CRYL1: variants seen among roughly 807,000 people sequenced by gnomAD.
The protein encoded by CRYL1 is crystallin lambda 1, also known as lambda-crystallin homolog.
A neutral mutation model predicts 36.6 loss-of-function variants in CRYL1; 29 were observed. The observed-to-expected ratio is 0.79, with a 90% CI of 0.59 to 1.08. The LOEUF (loss-of-function observed/expected upper bound fraction) is 1.08, where lower values mean the gene tolerates loss of function less well. Ranked by LOEUF, CRYL1 falls within the 50% of genes least tolerant of loss-of-function variation. The probability of loss-of-function intolerance (pLI) is 0.00; values close to 1 mark genes in which losing one functional copy is unlikely to be tolerated. For missense variants in CRYL1, 411 were observed against 407.9 expected (o/e 1.01, Z -0.06); for synonymous variants, 152 against 151.5 (o/e 1.00, Z -0.02).
intron 3 of CRYL1, among the ~76,000 whole-genome samples, chr13:20,457,973 C>T (rs780932268): frequency 1.3e-5 from 2 of 152,256 alleles, no homozygotes; most frequent in African/African-American, 2.4e-5. Context: ...AGGTTTTCAA[C>T]GTTAGGGAAA....
chr13:20,483,490 T>C (rs917216689), intron 3 of CRYL1, among the ~76,000 whole-genome samples: 1 of 152,120 alleles, frequency 6.6e-6, no homozygotes, highest in Non-Finnish European at 1.5e-5. Context: ...GACTGTAACG[T>C]ACCACATCAT....
intron 2 of CRYL1, among the ~76,000 whole-genome samples, chr13:20,499,150 C>T (rs2033659907): frequency 6.6e-6 from 1 of 151,810 alleles, no homozygotes; most frequent in African/African-American, 2.4e-5. Context: ...AAGAGACCAG[C>T]CTGGACAACA....
intron 4 of CRYL1, among the ~76,000 whole-genome samples, chr13:20,434,048 C>T (rs1442079524): frequency 1.3e-5 from 2 of 152,188 alleles, no homozygotes; most frequent in South Asian, 2.1e-4. Context: ...TTGGGCACAC[C>T]CCAGCACAGA....
intron 1 of CRYL1, among the ~76,000 whole-genome samples, chr13:20,519,239 G>C (rs966994722): frequency 2.0e-5 from 3 of 152,148 alleles, no homozygotes; most frequent in African/African-American, 7.2e-5. Flanking sequence ...GATGGGAGGG[G>C]GGTGTAGTCA....
In CRYL1 at chr13:20,511,673, C is replaced by T. The variant is rs146956917; in HGVS notation, c.149+770G>A. On this transcript the variant is annotated intron_variant, in intron 2 of 7. Transcript: ENST00000298248. ...AAATAAGGATAATAACCAGCTAACGCGTGTCTGAGATGGTCAGAACCCTGT... is the reference window on the plus strand; with the variant it reads ...AAATAAGGATAATAACCAGCTAACGTGTGTCTGAGATGGTCAGAACCCTGT... Among the ~76,000 whole-genome samples, 6 of 152,314 alleles carry T rather than the reference C, an allele frequency of 3.9e-5. No homozygotes were observed. The East Asian group carries it at 5.8e-4, about 15-fold the overall frequency.
intron 5 of CRYL1, chr13:20,431,453 C>T (rs886801072): frequency 5.1e-6 from 5 of 985,286 alleles, no homozygotes; most frequent in East Asian, 2.3e-4. Context: ...TCCCAGATCC[C>T]GAGACTTCTC....
At chr13:20,470,025 G>C (rs912699587) in intron 3 of CRYL1, among the ~76,000 whole-genome samples, 1 of 152,182 alleles carries the variant, frequency 6.6e-6, no homozygotes, top group Non-Finnish European at 1.5e-5. Flanking sequence ...GAAGACTATC[G>C]ACAGTGCGAT....
Position 20,430,533 on chromosome 13 carries a change from G to GAGC in CRYL1, c.633+1566_633+1568dup, listed in dbSNP as rs1369839391. 4 of 985,258 alleles carry GAGC rather than the reference G, an allele frequency of 4.1e-6. No homozygotes were observed. In the South Asian group the frequency reaches 1.9e-4, roughly 46 times the overall value. The allele number at this position is 985,258 out of a possible 1,614,324, so 61.0% of individuals were successfully genotyped here. On this transcript the variant is annotated intron_variant, in intron 5 of 7. Coordinates refer to ENST00000298248, the MANE Select transcript of CRYL1 (RefSeq NM_015974.3). Reference sequence around the variant, plus strand: ...ACATCGTGAGTCAGCAGAACTACCAGAGCAGCCCAACTCACCCCTCCGCCT... The same window carrying GAGC: ...ACATCGTGAGTCAGCAGAACTACCAGAGCAGCAGCCCAACTCACCCCTCCGCCT...
At chr13:20,519,985 A>G (rs1199589806) in intron 1 of CRYL1, among the ~76,000 whole-genome samples, 1 of 152,242 alleles carries the variant, frequency 6.6e-6, no homozygotes, top group African/African-American at 2.4e-5. Flanking sequence ...ACATGCTGAC[A>G]TATTTACAGA....
intron 2 of CRYL1, among the ~76,000 whole-genome samples, chr13:20,507,539 C>G (rs2033815006): frequency 1.3e-5 from 2 of 152,220 alleles, no homozygotes; most frequent in Non-Finnish European, 2.9e-5. Flanking sequence ...TACTCTCCTT[C>G]TCCAGTACTG....
chr13:20,518,450 T>A (rs2034040249), intron 1 of CRYL1, among the ~76,000 whole-genome samples: 1 of 151,766 alleles, frequency 6.6e-6, no homozygotes, highest in South Asian at 2.1e-4. Context: ...TCAACAAGGC[T>A]GGTGCTCTGC....
chr13:20,509,927 C>G (rs1026139837), intron 2 of CRYL1, among the ~76,000 whole-genome samples: 2 of 151,990 alleles, frequency 1.3e-5, no homozygotes, highest in African/African-American at 4.8e-5. Context: ...GAGACTGTCT[C>G]AAAACAAAAC....
At chr13:20,424,133 GA>G (rs968034865) in intron 5 of CRYL1, among the ~76,000 whole-genome samples, 2 of 152,122 alleles carry the variant, frequency 1.3e-5, no homozygotes, top group African/African-American at 4.8e-5. Flanking sequence ...CCCTGTAGAT[GA>G]AAAATATCAC....
chr13:20,508,719 G>A (rs2033848453), intron 2 of CRYL1, among the ~76,000 whole-genome samples: 1 of 150,790 alleles, frequency 6.6e-6, no homozygotes, highest in South Asian at 2.1e-4. Context: ...CGTGGTGGCG[G>A]GCGCCTGTAG....
At chr13:20,498,337 TAC>T (rs1416779696) in intron 2 of CRYL1, among the ~76,000 whole-genome samples, 36 of 104,044 alleles carry the variant, frequency 3.5e-4, no homozygotes, top group African/African-American at 1.2e-3. Context: ...CACATGCACA[TAC>T]CTCATACACA....
At chr13:20,476,185 C>T (rs1328146624) in intron 3 of CRYL1, among the ~76,000 whole-genome samples, 1 of 152,056 alleles carries the variant, frequency 6.6e-6, no homozygotes, top group Non-Finnish European at 1.5e-5. Context: ...AACGCCAGGG[C>T]CTCTGAAAGG....
chr13:20,474,663 A>T (rs2033127601), intron 3 of CRYL1, among the ~76,000 whole-genome samples: 1 of 152,162 alleles, frequency 6.6e-6, no homozygotes. Context: ...CCTCAGAGGC[A>T]GCGGCGACTC....
intron 1 of CRYL1, among the ~76,000 whole-genome samples, chr13:20,518,754 C>T (rs1489688837): frequency 6.6e-6 from 1 of 151,980 alleles, no homozygotes; most frequent in Non-Finnish European, 1.5e-5. Context: ...GGGACCAGGA[C>T]GGAGGCAGAG....
intron 3 of CRYL1, among the ~76,000 whole-genome samples, chr13:20,484,095 C>T (rs1449395344): frequency 5.9e-5 from 9 of 152,324 alleles, no homozygotes; most frequent in Middle Eastern, 3.4e-3. Context: ...GGATTACAGG[C>T]GTGAGCCACC....
Sources: allele counts gnomAD v4.1 joint callset (sites outside exome capture counted in the v4.1 genomes callset), GRCh38; gene constraint gnomAD v4.1.1; transcripts MANE v1.5; gene names NCBI Gene and HGNC (gene_info 2026-07-23, HGNC 2026-07-21).